The following ALKBH8 variants were observed in gnomAD, a reference collection of about 807,000 sequenced individuals.
ALKBH8 encodes alkB homolog 8, tRNA methyltransferase.
A neutral mutation model predicts 59.8 loss-of-function variants in ALKBH8; 36 were observed. The observed-to-expected ratio is 0.60, with a 90% CI of 0.46 to 0.79. The LOEUF (loss-of-function observed/expected upper bound fraction) is 0.79, where lower values mean the gene tolerates loss of function less well. Among genes scored for constraint, ALKBH8 ranks in the 30% least tolerant of loss-of-function variants. The pLI, the probability that ALKBH8 is intolerant of heterozygous loss-of-function variation, is 0.00. For missense variants in ALKBH8, 768 were observed against 801.0 expected (o/e 0.96, Z 0.50); for synonymous variants, 276 against 273.6 (o/e 1.01, Z -0.09).
intron 5 of ALKBH8, 74 bp downstream of exon 5, chr11:107,553,034 C>A: frequency 1.2e-6 from 1 of 855,046 alleles, no homozygotes; most frequent in Non-Finnish European, 1.8e-6. Context: ...GAAACATAAT[C>A]CCCCAACTAT....
intron 7 of ALKBH8, among the ~76,000 whole-genome samples, chr11:107,547,340 T>C (rs926894768): frequency 2.6e-5 from 4 of 151,854 alleles, no homozygotes; most frequent in Admixed American, 6.6e-5. Context: ...GTTGCAAGAG[T>C]GGAAAGTCAT....
chr11:107,565,578 C>T lies in ALKBH8; in HGVS notation c.-7+23G>A, dbSNP rs1591340399. ...AGCGGTGATTTGCTGCCCGTATGCC[C>T]GCCAGTAAGAAGTGCCACACACCTC... On this transcript the variant is annotated intron_variant, in intron 1 of 11. Coordinates refer to ENST00000428149, the MANE Select transcript of ALKBH8 (RefSeq NM_138775.3). The T allele has an allele frequency of 6.5e-6, 10 of 1,535,668 alleles. No homozygotes were observed. The South Asian group carries it at 9.5e-5, about 15-fold the overall frequency.
At chr11:107,514,273 C>G (rs763797005) in intron 10 of ALKBH8, among the ~76,000 whole-genome samples, 2 of 151,930 alleles carry the variant, frequency 1.3e-5, no homozygotes. Flanking sequence ...TAAAATGAAA[C>G]ATTACATTAC....
At chr11:107,536,158 T>C (rs1863806046) in intron 7 of ALKBH8, among the ~76,000 whole-genome samples, 1 of 152,230 alleles carries the variant, frequency 6.6e-6, no homozygotes, top group South Asian at 2.1e-4. Flanking sequence ...TGTACCTCAC[T>C]TCTGTTTTCT....
chr11:107,562,798 A>T (rs958779566), intron 1 of ALKBH8: 2 of 152,104 alleles, frequency 1.3e-5, no homozygotes, highest in Non-Finnish European at 2.9e-5. Context: ...GTTAATTAGA[A>T]ATGCTGGCCT....
chr11:107,518,077 AAAAT>A lies in ALKBH8; in HGVS notation c.1287+4218_1287+4221del, dbSNP rs1345844818. ...TTTTTAATAACTTTAATTTAAAAATAAAATACAGAAAAAATACTGTATTATAAAA... is the reference window on the plus strand; with the variant it reads ...TTTTTAATAACTTTAATTTAAAAATAACAGAAAAAATACTGTATTATAAAA... On this transcript the variant is annotated intron_variant, in intron 10 of 11. Transcript: ENST00000428149. 5.6e-5 allele frequency among the ~76,000 whole-genome samples: 8 copies of A among 143,856 alleles called. No individual in the cohort carries two copies. In the East Asian group the frequency reaches 1.0e-3, roughly 19 times the overall value. 94.4% of individuals were successfully genotyped at this position (143,856 alleles called of 152,430 possible).
chr11:107,562,463 C>T (rs1864976012), intron 1 of ALKBH8, among the ~76,000 whole-genome samples: 1 of 151,924 alleles, frequency 6.6e-6, no homozygotes, highest in Admixed American at 6.6e-5. Context: ...CATGTTTGGC[C>T]AAGACACCAA....
chr11:107,548,855 CT>C (rs56654607), intron 7 of ALKBH8, among the ~76,000 whole-genome samples: 3,368 of 146,746 alleles, frequency 0.023, 128 homozygotes, highest in African/African-American at 0.079. Context: ...GATTTTCTTT[CT>C]TTTTTTTTTT....
chr11:107,515,168 C>T (rs1862809991), intron 10 of ALKBH8, among the ~76,000 whole-genome samples: 2 of 152,090 alleles, frequency 1.3e-5, no homozygotes, highest in Admixed American at 6.5e-5. Context: ...TCCCTCTTTC[C>T]ATTTTTAAAT....
intron 7 of ALKBH8, among the ~76,000 whole-genome samples, chr11:107,535,671 T>C (rs1265557363): frequency 1.3e-5 from 2 of 152,158 alleles, no homozygotes; most frequent in Non-Finnish European, 2.9e-5. Context: ...TGAAGTCTGA[T>C]GTAACAATGG....
intron 8 of ALKBH8, among the ~76,000 whole-genome samples, chr11:107,529,033 A>G (rs1256696120): frequency 1.3e-5 from 2 of 152,200 alleles, no homozygotes; most frequent in Admixed American, 1.3e-4. Context: ...TAGAAGGTAC[A>G]GGATAAGAGA....
chr11:107,546,474 T>C lies in ALKBH8; in HGVS notation c.771+3279A>G, dbSNP rs547787109. On this transcript the variant is annotated intron_variant, in intron 7 of 11. Coordinates refer to ENST00000428149, the MANE Select transcript of ALKBH8 (RefSeq NM_138775.3). ...TATATGTTATTGTCATATAACCCGATGCAGCCTACTCCTTGGATATTTCCC... is the reference window on the plus strand; with the variant it reads ...TATATGTTATTGTCATATAACCCGACGCAGCCTACTCCTTGGATATTTCCC... Among the ~76,000 whole-genome samples the C allele has an allele frequency of 7.2e-5, 11 of 152,298 alleles. No homozygotes were observed. The East Asian group carries it at 2.1e-3, about 29-fold the overall frequency.
At chr11:107,548,893 C>A (rs1241350551) in intron 7 of ALKBH8, among the ~76,000 whole-genome samples, 1 of 151,504 alleles carries the variant, frequency 6.6e-6, no homozygotes, top group East Asian at 1.9e-4. Flanking sequence ...CTCTGTCACC[C>A]GGGCTGGAGT....
At chr11:107,554,322 A>G (rs1269421666) in intron 3 of ALKBH8, among the ~76,000 whole-genome samples, 3 of 152,240 alleles carry the variant, frequency 2.0e-5, no homozygotes, top group Non-Finnish European at 4.4e-5. Context: ...TAATGAATAC[A>G]AGAATTTAAA....
intron 10 of ALKBH8, among the ~76,000 whole-genome samples, chr11:107,521,873 T>C (rs1863125772): frequency 6.6e-6 from 1 of 152,180 alleles, no homozygotes; most frequent in Non-Finnish European, 1.5e-5. Flanking sequence ...GTTCCAGTTA[T>C]GTCCCCTAAT....
At chr11:107,527,424 C>T (rs772582263) in intron 8 of ALKBH8, among the ~76,000 whole-genome samples, 3 of 151,886 alleles carry the variant, frequency 2.0e-5, no homozygotes, top group South Asian at 2.1e-4. Flanking sequence ...GAAAGAGAAA[C>T]GTCGACCTAA....
intron 10 of ALKBH8, among the ~76,000 whole-genome samples, chr11:107,521,875 T>C (rs981266218): frequency 1.3e-5 from 2 of 152,152 alleles, no homozygotes; most frequent in Admixed American, 6.6e-5. Context: ...TCCAGTTATG[T>C]CCCCTAATTA....
chr11:107,546,048 G>T (rs918024290), intron 7 of ALKBH8, among the ~76,000 whole-genome samples: 67 of 152,250 alleles, frequency 4.4e-4, no homozygotes, highest in African/African-American at 1.5e-3. Flanking sequence ...AAGTTCACGT[G>T]ACTCATTCTT....
At chr11:107,560,087 C>A (rs1004619387) in intron 2 of ALKBH8, among the ~76,000 whole-genome samples, 1 of 152,076 alleles carries the variant, frequency 6.6e-6, no homozygotes, top group African/African-American at 2.4e-5. Context: ...CAATACTATG[C>A]CCTGCTTAAA....
Sources: gnomAD v4.1 joint callset for allele counts (sites outside exome capture counted in the v4.1 genomes callset) on GRCh38, gnomAD v4.1.1 for gene constraint, MANE v1.5 for transcripts, NCBI Gene and HGNC (gene_info 2026-07-23, HGNC 2026-07-21) for gene names.